PAM: variants seen among roughly 807,000 people sequenced by gnomAD.
The protein encoded by PAM is peptidyl-glycine alpha-amidating monooxygenase.
PAM carries 72 observed loss-of-function variants against 122.1 expected under a neutral mutation model. The ratio of observed to expected loss-of-function variants is 0.59; its 90% CI spans 0.49 to 0.72. The LOEUF (loss-of-function observed/expected upper bound fraction) is 0.72. Ranked by LOEUF, PAM falls within the 30% of genes least tolerant of loss-of-function variation. PAM has a pLI of 0.00. For missense variants in PAM, 1,106 were observed against 1,183.7 expected, an observed-to-expected ratio of 0.93 and a Z score of 0.96; for synonymous variants, 389 against 404.4, an observed-to-expected ratio of 0.96 and a Z score of 0.46.
chr5:103,004,848 A>C (rs1429515098), intron 17 of PAM, among the ~76,000 whole-genome samples: 2 of 152,214 alleles, frequency 1.3e-5, no homozygotes, highest in Non-Finnish European at 2.9e-5. Flanking sequence ...TTATGACCTC[A>C]GAACCTGTTT....
chr5:102,811,928 A>G (rs1013835991), intron 1 of PAM, among the ~76,000 whole-genome samples: 3 of 152,226 alleles, frequency 2.0e-5, no homozygotes, highest in Non-Finnish European at 4.4e-5. Flanking sequence ...TTAGTTTAAT[A>G]TTTTTATTGA....
At chr5:102,966,650 A>G (rs975827755) in intron 14 of PAM, among the ~76,000 whole-genome samples, 4 of 152,190 alleles carry the variant, frequency 2.6e-5, no homozygotes, top group Non-Finnish European at 4.4e-5. Flanking sequence ...GTCATAAAAC[A>G]AATTATTAAA....
At chr5:102,901,244 A>G in intron 3 of PAM, 112 bp from the exon 4 acceptor site, 1 of 639,894 alleles carries the variant, frequency 1.6e-6, no homozygotes, top group Non-Finnish European at 2.8e-6. Flanking sequence ...TCAGAAGGAA[A>G]ACTACCCTCA....
At position 102,926,674 on chromosome 5, in the gene PAM, T is replaced by G; in HGVS notation, c.526+6T>G. On this transcript the variant is annotated splice_donor_region_variant and intron_variant, in intron 7 of 25. Transcript: ENST00000438793. ...GGATATTAGTGCTTTTAGAGGTAAGTTTTGAAGTGTTGGAACTAAGCAAAA... is the reference window on the plus strand; with the variant it reads ...GGATATTAGTGCTTTTAGAGGTAAGGTTTGAAGTGTTGGAACTAAGCAAAA... 1 of 1,487,478 alleles carries G rather than the reference T, an allele frequency of 6.7e-7. No homozygotes were observed. Among genetic ancestry groups the G allele is most frequent in the South Asian group, 1.1e-5 (1 of 88,028 alleles). The allele number at this position is 1,487,478 out of a possible 1,614,324, so 92.1% of individuals were successfully genotyped here. A position where few individuals can be genotyped will look rare whatever the true frequency, so the allele number is the denominator to read the frequency against.
At chr5:102,950,982 T>C (rs144185670) in intron 12 of PAM, among the ~76,000 whole-genome samples, 162 bp downstream of exon 12, 23 of 152,256 alleles carry the variant, frequency 1.5e-4, no homozygotes, top group Non-Finnish European at 2.8e-4. Context: ...TTGATTCAGA[T>C]AAACCCCAGA....
intron 12 of PAM, among the ~76,000 whole-genome samples, chr5:102,959,634 ATT>A (rs1231750657): frequency 1.3e-5 from 2 of 152,090 alleles, no homozygotes; most frequent in African/African-American, 4.8e-5. Context: ...CATCAGTGGT[ATT>A]TAGTAGTGTT....
At chr5:102,869,878 G>T (rs1429796774) in intron 3 of PAM, among the ~76,000 whole-genome samples, 1 of 151,756 alleles carries the variant, frequency 6.6e-6, no homozygotes, top group Non-Finnish European at 1.5e-5. Flanking sequence ...TAATGAAAAC[G>T]TATTAGAGGG....
At chr5:102,877,097 A>G (rs941515813) in intron 3 of PAM, among the ~76,000 whole-genome samples, 2 of 152,242 alleles carry the variant, frequency 1.3e-5, no homozygotes, top group African/African-American at 4.8e-5. Context: ...GCTGGCTGCA[A>G]GACCTTAGGC....
At chr5:102,798,744 A>G (rs1763969688) in intron 1 of PAM, among the ~76,000 whole-genome samples, 2 of 152,214 alleles carry the variant, frequency 1.3e-5, no homozygotes, top group Non-Finnish European at 1.5e-5. Context: ...TAGTATAGGA[A>G]TACATTTTTT....
At chr5:102,948,476 A>G in intron 9 of PAM, 31 bp downstream of exon 9, 1 of 977,358 alleles carries the variant, frequency 1.0e-6, no homozygotes, top group Non-Finnish European at 1.6e-6. Context: ...ATTTACCATT[A>G]CCTCATTACC....
chr5:102,794,609 A>T (rs1272832766), intron 1 of PAM, among the ~76,000 whole-genome samples: 2 of 152,206 alleles, frequency 1.3e-5, no homozygotes, highest in African/African-American at 4.8e-5. Flanking sequence ...ATTCAATATG[A>T]AACAGTGATA....
At chr5:102,877,189 A>G (rs1217580429) in intron 3 of PAM, among the ~76,000 whole-genome samples, 3 of 152,270 alleles carry the variant, frequency 2.0e-5, no homozygotes, top group African/African-American at 7.2e-5. Flanking sequence ...ATTGCAGTTA[A>G]GTAAATTAAT....
intron 14 of PAM, among the ~76,000 whole-genome samples, chr5:102,963,729 C>T (rs1000453829): frequency 1.3e-5 from 2 of 151,692 alleles, no homozygotes; most frequent in Non-Finnish European, 2.9e-5. Context: ...TGGACAAGCT[C>T]TATACCTGTT....
chr5:102,914,729 G>A (rs369207801), intron 5 of PAM, among the ~76,000 whole-genome samples: 4 of 152,114 alleles, frequency 2.6e-5, no homozygotes, highest in South Asian at 4.1e-4. Context: ...AGTTGTTTAC[G>A]GTAGTAACAA....
At chr5:102,757,373 G>C (rs192390999) in intron 1 of PAM, among the ~76,000 whole-genome samples, 1 of 152,274 alleles carries the variant, frequency 6.6e-6, no homozygotes, top group Admixed American at 6.5e-5. Flanking sequence ...CATTTGGTGA[G>C]TTTGCATAAT....
chr5:102,897,111 C>A (rs935357677), intron 3 of PAM, among the ~76,000 whole-genome samples: 1 of 151,584 alleles, frequency 6.6e-6, no homozygotes, highest in Non-Finnish European at 1.5e-5. Context: ...GAGGCTTGAC[C>A]ACTTTCCATA....
chr5:102,861,782 C>T (rs776782538), intron 1 of PAM, among the ~76,000 whole-genome samples: 17 of 151,986 alleles, frequency 1.1e-4, no homozygotes, highest in African/African-American at 1.5e-4. Flanking sequence ...AAAATGATTA[C>T]GGAAAAAAGT....
intron 17 of PAM, among the ~76,000 whole-genome samples, chr5:103,004,084 C>A (rs964529626): frequency 1.3e-5 from 2 of 152,278 alleles, no homozygotes; most frequent in Admixed American, 1.3e-4. Flanking sequence ...TCTGCTTAAG[C>A]ACAGGGAAAG....
chr5:103,024,243 G>A (rs972753112), intron 23 of PAM, among the ~76,000 whole-genome samples: 2 of 152,082 alleles, frequency 1.3e-5, no homozygotes, highest in African/African-American at 2.4e-5. Flanking sequence ...TGTAGGGCAA[G>A]GATGTCTCAA....
Sources: gnomAD v4.1 joint callset for allele counts (sites outside exome capture counted in the v4.1 genomes callset) on GRCh38, gnomAD v4.1.1 for gene constraint, MANE v1.5 for transcripts, NCBI Gene and HGNC (gene_info 2026-07-23, HGNC 2026-07-21) for gene names.